NXPE2: variants seen among roughly 807,000 people sequenced by gnomAD.
The protein encoded by NXPE2 is neurexophilin and PC-esterase domain family member 2.
NXPE2 carries 34 observed loss-of-function variants against 34.4 expected under a neutral mutation model. That is an observed-to-expected ratio of 0.99 (90% CI 0.75 to 1.31). The LOEUF (loss-of-function observed/expected upper bound fraction) is 1.31. NXPE2 is among the 40% of genes most tolerant of loss of function. The pLI is 0.00. For missense variants in NXPE2, 649 were observed against 672.5 expected (o/e 0.97, Z 0.39); for synonymous variants, 235 against 231.3 (o/e 1.02, Z -0.15).
the NXPE2 span, among the ~76,000 whole-genome samples, chr11:114,500,012 A>T: frequency 2.0e-5 from 3 of 150,222 alleles, no homozygotes; most frequent in African/African-American, 4.9e-5. Flanking sequence ...ACAATTTGTT[A>T]TCCTGTCTCT....
the NXPE2 span, among the ~76,000 whole-genome samples, chr11:114,732,205 A>T: frequency 6.6e-6 from 1 of 152,230 alleles, no homozygotes; most frequent in Non-Finnish European, 1.5e-5. Flanking sequence ...AATTCCCATA[A>T]TCCCTAAAAT....
the NXPE2 span, chr11:114,551,239 C>A: frequency 2.8e-6 from 4 of 1,415,352 alleles, no homozygotes; most frequent in South Asian, 3.7e-5. Context: ...AGAGAGGAGT[C>A]GTGAGAAGTG....
At chr11:114,743,258 GC>G in the NXPE2 span, among the ~76,000 whole-genome samples, 1 of 152,116 alleles carries the variant, frequency 6.6e-6, no homozygotes, top group Non-Finnish European at 1.5e-5. Flanking sequence ...CATTAACTTA[GC>G]AAAGTAATTG....
the NXPE2 span, among the ~76,000 whole-genome samples, chr11:114,799,669 A>G: frequency 6.6e-6 from 1 of 152,130 alleles, no homozygotes; most frequent in East Asian, 1.9e-4. Flanking sequence ...CAGAAGGGGG[A>G]GAGCAGAGGC....
chr11:114,521,085 G>T, the NXPE2 span, among the ~76,000 whole-genome samples: 4 of 151,954 alleles, frequency 2.6e-5, no homozygotes, highest in Non-Finnish European at 4.4e-5. Context: ...TAATTCTGTC[G>T]TTCTTTCTGT....
intron 2 of NXPE2, among the ~76,000 whole-genome samples, chr11:114,692,564 T>C (rs1258277531): frequency 1.3e-5 from 2 of 152,172 alleles, no homozygotes; most frequent in Non-Finnish European, 2.9e-5. Context: ...CCCAAATGGG[T>C]TGAGGTTTTC....
chr11:114,612,120 G>A, the NXPE2 span, among the ~76,000 whole-genome samples: 1,179 of 151,270 alleles, frequency 7.8e-3, 8 homozygotes, highest in Non-Finnish European at 0.013. Flanking sequence ...GTTACCTGGT[G>A]GATAATAATT....
downstream of NXPE2, among the ~76,000 whole-genome samples, chr11:114,710,351 G>A (rs886214611): frequency 1.1e-4 from 16 of 152,038 alleles, no homozygotes; most frequent in African/African-American, 3.6e-4. Context: ...CAAATTCATA[G>A]CTAGACTAAG....
At chr11:114,731,274 A>T in the NXPE2 span, among the ~76,000 whole-genome samples, 1 of 152,250 alleles carries the variant, frequency 6.6e-6, no homozygotes, top group Non-Finnish European at 1.5e-5. Context: ...TACATTGCTA[A>T]TGGAAATATA....
the NXPE2 span, among the ~76,000 whole-genome samples, chr11:114,614,006 T>A: frequency 6.6e-6 from 1 of 151,724 alleles, no homozygotes. Flanking sequence ...TGTTACCCAG[T>A]GGAAAATAAG....
At chr11:114,617,994 G>A in the NXPE2 span, among the ~76,000 whole-genome samples, 2 of 151,834 alleles carry the variant, frequency 1.3e-5, no homozygotes, top group East Asian at 3.9e-4. Flanking sequence ...GTTGCCTCGT[G>A]GGTAACCAGT....
chr11:114,739,342 C>CTTCCTT, the NXPE2 span, among the ~76,000 whole-genome samples: 2 of 36,114 alleles, frequency 5.5e-5, no homozygotes, highest in African/African-American at 1.3e-4. Flanking sequence ...CTTCCTTCCC[C>CTTCCTT]CCTTCCTCTC....
At chr11:114,530,493 C>T in the NXPE2 span, 2 of 1,613,864 alleles carry the variant, frequency 1.2e-6, no homozygotes, top group East Asian at 4.5e-5. Context: ...CTGGCCCTCC[C>T]AGAACAGAGT....
chr11:114,658,197 C>A, the NXPE2 span, among the ~76,000 whole-genome samples: 2 of 152,164 alleles, frequency 1.3e-5, no homozygotes, highest in Non-Finnish European at 2.9e-5. Flanking sequence ...AGCTTAAAAT[C>A]TAATGAAAGG....
the NXPE2 span, among the ~76,000 whole-genome samples, chr11:114,497,090 C>T: frequency 0.017 from 2,584 of 152,004 alleles, 84 homozygotes; most frequent in African/African-American, 0.058. Flanking sequence ...CAGAAGAGGG[C>T]GTTGTTATTA....
At position 114,706,384 on chromosome 11, in the gene NXPE2, T is replaced by C. The variant is rs1951472854; in HGVS notation, c.1145-11T>C. 6.6e-7 allele frequency: 1 copy of C among 1,507,868 alleles called. No homozygotes were observed. The highest frequency in any genetic ancestry group is 1.4e-5 in the African/African-American group (1 of 70,848). 93.4% of individuals were successfully genotyped at this position (1,507,868 alleles called of 1,614,324 possible). ...TTTTGTTAAAATATTTATTGATTTG[T>C]CTTTCATCAGCCCTAAAATATTTTG... On this transcript the variant is annotated splice_polypyrimidine_tract_variant and intron_variant, in intron 5 of 5. Transcript: ENST00000389586.
the NXPE2 span, among the ~76,000 whole-genome samples, chr11:114,809,122 G>T: frequency 6.6e-6 from 1 of 151,998 alleles, no homozygotes; most frequent in African/African-American, 2.4e-5. Context: ...ATGCAGAAAA[G>T]GCCTTTGACA....
chr11:114,594,439 A>G, the NXPE2 span, among the ~76,000 whole-genome samples: 2 of 152,196 alleles, frequency 1.3e-5, no homozygotes, highest in Non-Finnish European at 2.9e-5. Flanking sequence ...AGATAGGTGC[A>G]ATGCATTTAT....
At chr11:114,703,765 C>T (rs943598771) in intron 3 of NXPE2, among the ~76,000 whole-genome samples, 3 of 151,986 alleles carry the variant, frequency 2.0e-5, no homozygotes, top group African/African-American at 7.3e-5. Flanking sequence ...TGATGGATTG[C>T]GTATGGAGGG....
Sources: allele counts gnomAD v4.1 joint callset (sites outside exome capture counted in the v4.1 genomes callset), GRCh38; gene constraint gnomAD v4.1.1; transcripts MANE v1.5; gene names NCBI Gene and HGNC (gene_info 2026-07-23, HGNC 2026-07-21).